MYBBP1A: variants seen among roughly 807,000 people sequenced by gnomAD.
MYBBP1A encodes MYB binding protein 1a.
Under a neutral mutation model 136.3 loss-of-function variants are expected in MYBBP1A, and 147 were observed. The ratio of observed to expected loss-of-function variants is 1.08; its 90% confidence interval spans 0.94 to 1.24. The LOEUF is 1.24. Among genes scored for constraint, MYBBP1A ranks in the 50% most tolerant of loss-of-function variants. MYBBP1A has a pLI of 0.00. For synonymous variants in MYBBP1A, 947 were observed against 735.8 expected (o/e 1.29, Z -4.65); for missense variants, 2,060 against 1,727.4 (o/e 1.19, Z -3.41).
intron 19 of MYBBP1A, 172 bp from the exon 20 acceptor site, chr17:4,543,337 T>C: frequency 1.2e-6 from 1 of 867,120 alleles, no homozygotes; most frequent in Non-Finnish European, 1.7e-6. Flanking sequence ...GCCTGGAAGC[T>C]GTGTGGGCTC....
Position 4,555,292 on chromosome 17 carries a change from C to T in MYBBP1A, c.33G>A (p.Ser11=), listed in dbSNP as rs375816238. The change falls in exon 1 of 26, where the codon TCG becomes TCA. Residue 11 remains serine (S), a synonymous_variant. Coordinates refer to ENST00000254718, the MANE Select transcript of MYBBP1A (RefSeq NM_014520.4). ...CGCCACTCTGCGTCGCTTCTCCAGG[C>T]GACATCGGCTGGGCGGGATCCCGGC... The part of the protein sequence containing the change: MESRDPAQPM[S]PGEATQSGAR... The T allele has an allele frequency of 1.9e-5, 30 of 1,609,190 alleles. No homozygotes were observed. The highest frequency in any genetic ancestry group is 3.4e-5 in the Admixed American group (2 of 59,438).
chr17:4,545,675 C>T lies in MYBBP1A; in HGVS notation c.2008G>A (p.Ala670Thr). 6.2e-7 allele frequency: 1 copy of T among 1,611,306 alleles called. No homozygotes were observed. Among genetic ancestry groups the T allele is most frequent in the Non-Finnish European group, 8.5e-7 (1 of 1,178,322 alleles). Reference sequence around the variant, plus strand: ...CAGATGTGGCCAAACACGCTCCGGGCCACCTGGCGCATGAGGTGGCTGGGC... The same window carrying T: ...CAGATGTGGCCAAACACGCTCCGGGTCACCTGGCGCATGAGGTGGCTGGGC... ...AQPSHLMRQV[A>T]RSVFGHICSH... Residue 670 changes from alanine to threonine, a missense_variant, in exon 15 of 26, where the codon GCC (alanine) becomes ACC (threonine). Transcript: ENST00000254718.
At chr17:4,553,199 G>A (rs372939577) in intron 5 of MYBBP1A, among the ~76,000 whole-genome samples, 4 of 152,316 alleles carry the variant, frequency 2.6e-5, no homozygotes, top group East Asian at 3.9e-4. Flanking sequence ...GCCCTAGGTG[G>A]AGAGCTGGGA....
rs1293304208 is a variant in MYBBP1A, at chr17:4,555,314, C to T, written c.11G>A (p.Arg4Gln). 1 of 1,597,210 alleles carries T rather than the reference C, an allele frequency of 6.3e-7. No homozygotes were observed. Among genetic ancestry groups the T allele is most frequent in the Non-Finnish European group, 8.5e-7 (1 of 1,173,140 alleles). The change falls in exon 1 of 26, where the codon CGG (arginine) becomes CAG (glutamine). Residue 4 changes from arginine to glutamine, a missense_variant. Transcript: ENST00000254718. The stretch of plus-strand genomic sequence containing the variant: ...AGGCGACATCGGCTGGGCGGGATCC[C>T]GGCTCTCCATCTCCGCCACACTCAC... MESRDPAQPMSPGE... is the reference protein window; with the variant it reads MESQDPAQPMSPGE...
intron 1 of MYBBP1A, 66 bp downstream of exon 1, chr17:4,555,061 C>T: frequency 6.4e-7 from 1 of 1,574,034 alleles, no homozygotes; most frequent in East Asian, 2.3e-5. Context: ...GTCTCAACTC[C>T]CTGGGCCCGC....
At chr17:4,540,028 G>T (rs568340750) in intron 25 of MYBBP1A, 61 bp from the exon 26 acceptor site, 9 of 1,531,462 alleles carry the variant, frequency 5.9e-6, no homozygotes, top group South Asian at 2.4e-5. Context: ...CCGCCACCGC[G>T]ACTGCTACCT....
At chr17:4,541,627 G>A in intron 23 of MYBBP1A, 63 bp from the exon 24 acceptor site, 1 of 1,561,560 alleles carries the variant, frequency 6.4e-7, no homozygotes, top group South Asian at 1.1e-5. Context: ...CTGTTTCCCA[G>A]CCGGAAGTAA....
Position 4,539,212 on chromosome 17 carries a change from C to G in MYBBP1A, c.*203G>C. 1 of 1,456,840 alleles carries G rather than the reference C, an allele frequency of 6.9e-7. No individual in the cohort carries two copies. The highest frequency in any genetic ancestry group is 9.0e-7 in the Non-Finnish European group (1 of 1,114,696). The allele number at this position is 1,456,840 out of a possible 1,614,324, so 90.2% of individuals were successfully genotyped here. A position where few individuals can be genotyped will look rare whatever the true frequency, so the allele number is the denominator to read the frequency against. ...AGCCCAGAACCGGGGGTGGGGAGGT[C>G]TCTGCACCCTGGGACCCCTGCAGGA... On this transcript the variant is annotated 3_prime_UTR_variant, in exon 26 of 26. Transcript: ENST00000254718.
chr17:4,539,595 C>T lies in MYBBP1A; in HGVS notation c.3807G>A (p.Thr1269=), dbSNP rs369605248. 1.3e-4 allele frequency: 209 copies of T among 1,613,936 alleles called. 1 individual carries two copies. Among genetic ancestry groups the T allele is most frequent in the Non-Finnish European group, 1.5e-4 (182 of 1,180,014 alleles). The change falls in exon 26 of 26, where the codon ACG becomes ACA. Residue 1269 remains threonine, a synonymous_variant. Transcript: ENST00000254718. ...GATGCTGCTTTTGGCCTGCAGGTTCCGTGGGGGACCCGGGAGCTCCATTCA... is the reference window on the plus strand; with the variant it reads ...GATGCTGCTTTTGGCCTGCAGGTTCTGTGGGGGACCCGGGAGCTCCATTCA... The part of the protein sequence containing the change: ...SQVNGAPGSP[T]EPAGQKQHQK...
At position 4,539,753 on chromosome 17, in the gene MYBBP1A, TTGTCCTGTTCCTC is replaced by T; in HGVS notation, c.3636_3648del (p.Asn1214LeufsTer44). 1.2e-6 allele frequency: 2 copies of T among 1,613,220 alleles called. No individual in the cohort carries two copies. Among genetic ancestry groups the T allele is most frequent in the Non-Finnish European group, 8.5e-7 (1 of 1,179,934 alleles). On this transcript the variant is annotated frameshift_variant, in exon 26 of 26. Transcript: ENST00000254718. LOFTEE classifies it low-confidence loss of function (END_TRUNC). ...TTTGCCTGGGCTGGGACCTTAGCCT[TTGTCCTGTTCCTC>T]TTCTTCCTGCCCATGCTGGGGGGCT...
chr17:4,541,580 C>G lies in MYBBP1A; in HGVS notation c.3196-16G>C. On this transcript the variant is annotated splice_polypyrimidine_tract_variant and intron_variant, in intron 23 of 25. Coordinates refer to ENST00000254718, the MANE Select transcript of MYBBP1A (RefSeq NM_014520.4). ...CGCGCAAGTTCTAGGGAAGGGTGGC[C>G]AGGCTGAGGCACTCCGGAGAGCTGC... The G allele has an allele frequency of 6.2e-7, 1 of 1,608,510 alleles. No homozygotes were observed.
Position 4,552,725 on chromosome 17 carries a change from T to G in MYBBP1A, c.562-99A>C. The G allele has an allele frequency of 9.4e-7, 1 of 1,062,428 alleles. No homozygotes were observed. The highest frequency in any genetic ancestry group is 1.6e-5 in the South Asian group (1 of 61,932). 65.8% of individuals were successfully genotyped at this position (1,062,428 alleles called of 1,614,324 possible). On this transcript the variant is annotated intron_variant, in intron 5 of 25. Coordinates refer to ENST00000254718, the MANE Select transcript of MYBBP1A (RefSeq NM_014520.4). This position sits in a 1 kb window ranked among gnomAD's most constrained non-coding sequence, Gnocchi z 4.7. Reference sequence around the variant, plus strand: ...TGACACGGGGCCACCTGGTGAGGTATCAGAGTCATCAGAGGCCAGTTGCTA... The same window carrying G: ...TGACACGGGGCCACCTGGTGAGGTAGCAGAGTCATCAGAGGCCAGTTGCTA...
chr17:4,548,154 C>T lies in MYBBP1A; in HGVS notation c.1713G>A (p.Gln571=). The T allele has an allele frequency of 6.2e-7, 1 of 1,605,128 alleles. No individual in the cohort carries two copies. Among genetic ancestry groups the T allele is most frequent in the Non-Finnish European group, 8.5e-7 (1 of 1,179,984 alleles). Residue 571 remains glutamine (Q), a synonymous_variant, in exon 12 of 26, where the codon CAG becomes CAA. Transcript: ENST00000254718. The surrounding 1 kb of genome is among the most constrained non-coding windows in gnomAD (Gnocchi z 4.2). ...TVTPFTAQQR[Q]AWDRMLQTLK... ...TCCCACGTGCTCACCGGTCCCAGGC[C>T]TGGCGCTGCTGCGCAGTGAAGGGTG...
chr17:4,544,206 G>A (rs752958903), intron 19 of MYBBP1A, among the ~76,000 whole-genome samples: 3 of 139,814 alleles, frequency 2.1e-5, no homozygotes, highest in South Asian at 2.1e-4. Flanking sequence ...CAGCTCCAGG[G>A]CACTGTTGGC....
chr17:4,546,037 A>G (rs978275236), intron 13 of MYBBP1A, 95 bp from the exon 14 acceptor site: 14 of 1,161,456 alleles, frequency 1.2e-5, no homozygotes, highest in Non-Finnish European at 1.7e-5. Flanking sequence ...AGTGGCATCA[A>G]GAAGCCTCCA....
In MYBBP1A at chr17:4,544,698, G is replaced by GGGGGTGGGCGCACAGGGAGGCA. The variant is rs777815443; in HGVS notation, c.2481+52_2482-52insTGCCTCCCTGTGCGCCCACCCC. The GGGGGTGGGCGCACAGGGAGGCA allele has an allele frequency of 8.0e-6, 12 of 1,503,258 alleles. No homozygotes were observed. The African/African-American group carries it at 1.5e-4, about 19-fold the overall frequency. The allele number at this position is 1,503,258 out of a possible 1,614,324, so 93.1% of individuals were successfully genotyped here. The stretch of plus-strand genomic sequence containing the variant: ...CACGGGGGTGGGCGCACAGGGAGGC[G>GGGGGTGGGCGCACAGGGAGGCA]GGGGTGGGCGCACAGGGAGGCGGGG... On this transcript the variant is annotated intron_variant, in intron 18 of 25. Coordinates refer to ENST00000254718, the MANE Select transcript of MYBBP1A (RefSeq NM_014520.4).
Position 4,538,934 on chromosome 17 carries a change from G to A in MYBBP1A, c.*481C>T, listed in dbSNP as rs1555538752. The A allele has an allele frequency of 2.6e-6, 2 of 783,014 alleles. No individual in the cohort carries two copies. The highest frequency in any genetic ancestry group is 4.8e-6 in the Non-Finnish European group (2 of 420,038). The allele number at this position is 783,014 out of a possible 1,614,324, so 48.5% of individuals were successfully genotyped here. A position where few individuals can be genotyped will look rare whatever the true frequency, so the allele number is the denominator to read the frequency against. On this transcript the variant is annotated 3_prime_UTR_variant, in exon 26 of 26. Coordinates refer to ENST00000254718, the MANE Select transcript of MYBBP1A (RefSeq NM_014520.4). ...TCCTCTTCCTTCCGGAAGCCAAACT[G>A]CTCCTTTATTTTTTAGAGCTGCTGA... is the stretch of plus-strand genomic sequence containing the variant.
At position 4,540,327 on chromosome 17, in the gene MYBBP1A, T is replaced by G. The variant is rs79353842; in HGVS notation, c.3434+21A>C. The G allele has an allele frequency of 1.6e-3, 2,512 of 1,586,034 alleles. 35 individuals are homozygous for G. In the African/African-American group the frequency reaches 0.031, roughly 19 times the overall value. On this transcript the variant is annotated intron_variant, in intron 25 of 25. Transcript: ENST00000254718. Reference sequence around the variant, plus strand: ...GTTCCCAGCCCCTACCCAAGGTGTGTGTCCCCCTCCCAGAACCTACTGGAC... The same window carrying G: ...GTTCCCAGCCCCTACCCAAGGTGTGGGTCCCCCTCCCAGAACCTACTGGAC...
Position 4,554,082 on chromosome 17 carries a change from T to G in MYBBP1A, c.390A>C (p.Arg130Ser). 6.2e-7 allele frequency: 1 copy of G among 1,613,998 alleles called. No individual in the cohort carries two copies. The highest frequency in any genetic ancestry group is 8.5e-7 in the Non-Finnish European group (1 of 1,180,028). Reference sequence around the variant, plus strand: ...CAAACAGGTTTGCAAAGAGAGCAGGTCTCAGCATTGCCTAGAAAAGGATTC... The same window carrying G: ...CAAACAGGTTTGCAAAGAGAGCAGGGCTCAGCATTGCCTAGAAAAGGATTC... ...DLHQVKKAMLRPALFANLFGV... is the reference protein window; with the variant it reads ...DLHQVKKAMLSPALFANLFGV... The change falls in exon 4 of 26, where the codon AGA (arginine) becomes AGC (serine). Residue 130 changes from arginine (R) to serine (S), a missense_variant. Physicochemically the swap from Arg to Ser is moderately radical, Grantham distance 110. Transcript: ENST00000254718.
Sources: gnomAD v4.1 joint callset for allele counts (sites outside exome capture counted in the v4.1 genomes callset) on GRCh38, gnomAD v4.1.1 for gene constraint, Gnocchi (gnomAD v3.1) non-coding constraint, MANE v1.5 for transcripts, NCBI Gene and HGNC (gene_info 2026-07-23, HGNC 2026-07-21) for gene names.